FLRT1: variants seen among roughly 807,000 people sequenced by gnomAD.
FLRT1 encodes fibronectin leucine rich transmembrane protein 1, also known as leucine-rich repeat transmembrane protein FLRT1.
FLRT1 carries 14 observed loss-of-function variants against 30.9 expected under a neutral mutation model. The observed-to-expected ratio is 0.45, with a 90% CI of 0.30 to 0.71. The LOEUF (loss-of-function observed/expected upper bound fraction) is 0.71. Among genes scored for constraint, FLRT1 ranks in the 30% least tolerant of loss-of-function variants. The pLI is 0.08. For missense variants in FLRT1, 737 were observed against 949.2 expected, an observed-to-expected ratio of 0.78 and a Z score of 2.94; for synonymous variants, 368 against 430.4, an observed-to-expected ratio of 0.85 and a Z score of 1.80.
intron 1 of FLRT1, among the ~76,000 whole-genome samples, chr11:64,086,665 G>A (rs1334190989): frequency 6.6e-6 from 1 of 152,174 alleles, no homozygotes; most frequent in Non-Finnish European, 1.5e-5. Context: ...ATGCTCCAGG[G>A]ACTCACATCA....
intron 1 of FLRT1, among the ~76,000 whole-genome samples, chr11:64,085,431 G>GGAGGCCAGGCCCAACCACGGGGCTGCC (rs1944376794): frequency 6.6e-6 from 1 of 152,230 alleles, no homozygotes; most frequent in African/African-American, 2.4e-5. Flanking sequence ...AGACTGGCAG[G>GGAGGCCAGGCCCAACCACGGGGCTGCC]GAGGCCAGGC....
At chr11:64,062,019 A>G (rs1244563544) in intron 1 of FLRT1, among the ~76,000 whole-genome samples, 2 of 148,034 alleles carry the variant, frequency 1.4e-5, no homozygotes, top group Non-Finnish European at 3.0e-5. Flanking sequence ...TTCCCAAACA[A>G]ATCCTGTCCT....
chr11:64,098,499 C>T (rs764171961), intron 1 of FLRT1, among the ~76,000 whole-genome samples: 4 of 152,218 alleles, frequency 2.6e-5, no homozygotes, highest in Non-Finnish European at 5.9e-5. Context: ...CTCCAGTGCC[C>T]TCGGGAGAGA....
At chr11:64,043,278 G>T (rs1408509017) in intron 1 of FLRT1, among the ~76,000 whole-genome samples, 2 of 152,168 alleles carry the variant, frequency 1.3e-5, no homozygotes, top group East Asian at 3.8e-4. Flanking sequence ...CACCCTGCTC[G>T]GGGCTCTGAG....
chr11:64,055,495 C>G (rs1423645917), intron 1 of FLRT1, among the ~76,000 whole-genome samples: 1 of 152,142 alleles, frequency 6.6e-6, no homozygotes, highest in Non-Finnish European at 1.5e-5. Flanking sequence ...CTAAGTGGCT[C>G]CCCTGCCCCA....
intron 1 of FLRT1, among the ~76,000 whole-genome samples, chr11:64,075,688 T>C (rs142504686): frequency 6.6e-6 from 1 of 152,342 alleles, no homozygotes; most frequent in African/African-American, 2.4e-5. Context: ...CTTCTTTTTT[T>C]TGAGATGGAG....
intron 1 of FLRT1, among the ~76,000 whole-genome samples, chr11:64,059,522 G>C (rs948391620): frequency 7.9e-5 from 12 of 152,180 alleles, no homozygotes; most frequent in Admixed American, 6.5e-5. Context: ...AGGCCCCCCA[G>C]GCCATCCCTG....
chr11:64,062,317 G>C (rs548288304), intron 1 of FLRT1, among the ~76,000 whole-genome samples: 1 of 152,254 alleles, frequency 6.6e-6, no homozygotes, highest in East Asian at 1.9e-4. Context: ...GATGAGCCCT[G>C]GGTGTCTCCC....
At chr11:64,060,961 C>CCCGGGCCGCCAGGCGA (rs1943890633) in intron 1 of FLRT1, among the ~76,000 whole-genome samples, 2 of 151,848 alleles carry the variant, frequency 1.3e-5, no homozygotes, top group South Asian at 4.1e-4. Flanking sequence ...CGGCGGGGCT[C>CCCGGGCCGCCAGGCGA]CCGGGCCGCC....
chr11:64,110,449 GA>G (rs754055496), intron 2 of FLRT1, among the ~76,000 whole-genome samples: 5,338 of 132,088 alleles, frequency 0.04, 96 homozygotes, highest in African/African-American at 0.052. Context: ...GACTGTCTCA[GA>G]AAAAAAAAAA....
intron 1 of FLRT1, among the ~76,000 whole-genome samples, chr11:64,053,904 TC>T (rs553073306): frequency 6.6e-6 from 1 of 151,626 alleles, no homozygotes; most frequent in Admixed American, 6.6e-5. Flanking sequence ...GCTTCCGTCA[TC>T]CCCCCCACCA....
At chr11:64,079,658 G>A (rs566246380) in intron 1 of FLRT1, among the ~76,000 whole-genome samples, 1 of 152,300 alleles carries the variant, frequency 6.6e-6, no homozygotes, top group East Asian at 1.9e-4. Context: ...CAAAGCCTGT[G>A]GGAGCAGAGA....
In FLRT1 at chr11:64,051,747, C is replaced by A. The variant is rs770746803; in HGVS notation, c.-1038+15588C>A. ...ACAGTGGTTTGGCCAGATAGCCCTGCGGCCCAGTCCCTCTCAGGACAACTT... is the reference window on the plus strand; with the variant it reads ...ACAGTGGTTTGGCCAGATAGCCCTGAGGCCCAGTCCCTCTCAGGACAACTT... On this transcript the variant is annotated intron_variant, in intron 1 of 2. Transcript: ENST00000682287. 6.4e-4 allele frequency among the ~76,000 whole-genome samples: 97 copies of A among 152,148 alleles called. 1 individual carries two copies. The highest frequency in any genetic ancestry group is 4.6e-4 in the Admixed American group (7 of 15,286).
chr11:64,053,058 C>T (rs995017665), intron 1 of FLRT1, among the ~76,000 whole-genome samples: 7 of 152,196 alleles, frequency 4.6e-5, no homozygotes, highest in African/African-American at 1.7e-4. Flanking sequence ...CTGCAGCCTC[C>T]GAATGTGGGG....
rs949376681 is a variant in FLRT1 at position 64,036,815 on chromosome 11, C to G, written c.-1038+656C>G. ...CCTGGGCGGGGGGCGGCGGGCACCC[C>G]CCATCCCCCAGCTCTCAAGACAAGG... On this transcript the variant is annotated intron_variant, in intron 1 of 2. Transcript: ENST00000682287. The surrounding 1 kb of genome is among the most constrained non-coding windows in gnomAD (Gnocchi z 5.6). Among the ~76,000 whole-genome samples, 7 of 152,146 alleles carry G rather than the reference C, an allele frequency of 4.6e-5. No individual in the cohort carries two copies. Among genetic ancestry groups the G allele is most frequent in the Admixed American group, 3.9e-4 (6 of 15,286 alleles).
intron 2 of FLRT1, among the ~76,000 whole-genome samples, chr11:64,106,746 C>A (rs2134577483): frequency 6.6e-6 from 1 of 152,350 alleles, no homozygotes; most frequent in Middle Eastern, 3.4e-3. Context: ...GCAGAGCCCG[C>A]AGCCTCAGTC....
intron 1 of FLRT1, among the ~76,000 whole-genome samples, chr11:64,087,424 G>A (rs1016183111): frequency 6.6e-6 from 1 of 152,192 alleles, no homozygotes; most frequent in African/African-American, 2.4e-5. Flanking sequence ...ACTCCGGGGT[G>A]CGTCTGCCTC....
rs61884700 is a variant in FLRT1, at chr11:64,036,155, C to T, written c.-1042C>T. On this transcript the variant is annotated 5_prime_UTR_variant, in exon 1 of 3. Coordinates refer to ENST00000682287, the MANE Select transcript of FLRT1 (RefSeq NM_013280.5). The surrounding 1 kb of genome is among the most constrained non-coding windows in gnomAD (Gnocchi z 5.6). ...AGGAGACCCGCCTCCCCGGCCGCTGCGCAGGTAGGGCTGGCTGCACCGGGC... is the reference window on the plus strand; with the variant it reads ...AGGAGACCCGCCTCCCCGGCCGCTGTGCAGGTAGGGCTGGCTGCACCGGGC... The T allele has an allele frequency of 0.032, 4,902 of 152,206 alleles. 143 individuals are homozygous for T. The highest frequency in any genetic ancestry group is 0.049 in the Non-Finnish European group (3,308 of 68,020). 9.4% of individuals were successfully genotyped at this position (152,206 alleles called of 1,614,324 possible).
intron 1 of FLRT1, among the ~76,000 whole-genome samples, chr11:64,079,181 G>A (rs902261441): frequency 4.6e-5 from 7 of 152,166 alleles, no homozygotes; most frequent in African/African-American, 1.7e-4. Flanking sequence ...GCTGACGACT[G>A]TGTGTGGGAT....
Sources: allele counts gnomAD v4.1 joint callset (sites outside exome capture counted in the v4.1 genomes callset), GRCh38; gene constraint gnomAD v4.1.1; non-coding constraint Gnocchi (gnomAD v3.1); transcripts MANE v1.5; gene names NCBI Gene and HGNC (gene_info 2026-07-23, HGNC 2026-07-21).